Variants in PROM2 observed in about 807,000 individuals in gnomAD.
PROM2 encodes prominin-2.
PROM2 carries 90 observed loss-of-function variants against 110.2 expected under a neutral mutation model. The ratio of observed to expected loss-of-function variants is 0.82; its 90% CI spans 0.69 to 0.97. The LOEUF is 0.97. PROM2 is among the 50% of genes least tolerant of loss of function. The pLI is 0.00. For synonymous variants in PROM2, 470 were observed against 467.8 expected (o/e 1.00, Z -0.06); for missense variants, 1,009 against 1,074.8 (o/e 0.94, Z 0.86).
chr2:95,284,440 G>T (rs1677222987), intron 14 of PROM2, among the ~76,000 whole-genome samples: 1 of 151,864 alleles, frequency 6.6e-6, no homozygotes, highest in Non-Finnish European at 1.5e-5. Flanking sequence ...TCAGTGAGCT[G>T]TGATTGTGCT....
chr2:95,276,205 C>T lies in PROM2; in HGVS notation c.498-22C>T. 6.2e-7 allele frequency: 1 copy of T among 1,613,828 alleles called. No individual in the cohort carries two copies. The highest frequency in any genetic ancestry group is 8.5e-7 in the Non-Finnish European group (1 of 1,179,936). ...CTCCCTCTTACCCAGCAAGCACCTT[C>T]CTCCTCCCTCCATTCCCACAGGATT... On this transcript the variant is annotated intron_variant, in intron 3 of 23. Coordinates refer to ENST00000317620, the MANE Select transcript of PROM2 (RefSeq NM_001165978.3). This position sits in a 1 kb window ranked among gnomAD's most constrained non-coding sequence, Gnocchi z 4.6.
Position 95,279,916 on chromosome 2 carries a change from TG to T in PROM2, c.1349del (p.Gly450AlafsTer80). 6.4e-7 allele frequency: 1 copy of T among 1,558,222 alleles called. No individual in the cohort carries two copies. The highest frequency in any genetic ancestry group is 1.4e-5 in the African/African-American group (1 of 72,574). On this transcript the variant is annotated frameshift_variant, in exon 11 of 24. Transcript: ENST00000317620. LOFTEE classifies it high-confidence loss of function. The part of the protein sequence containing the change: ...VVLCNLLGLN[L>X]GIWGLSARDD... Reference sequence around the variant, plus strand: ...CTCTGCAACCTGCTGGGCCTCAATCTGGGCATCTGGGGCCTGTCTGCCAGGG... The same window carrying T: ...CTCTGCAACCTGCTGGGCCTCAATCTGGCATCTGGGGCCTGTCTGCCAGGG...
In PROM2 at chr2:95,276,543, A is replaced by C; in HGVS notation, c.619-51A>C. 6.2e-7 allele frequency: 1 copy of C among 1,612,812 alleles called. No homozygotes were observed. Among genetic ancestry groups the C allele is most frequent in the Non-Finnish European group, 8.5e-7 (1 of 1,178,970 alleles). On this transcript the variant is annotated intron_variant, in intron 4 of 23. Coordinates refer to ENST00000317620, the MANE Select transcript of PROM2 (RefSeq NM_001165978.3). The surrounding 1 kb of genome is among the most constrained non-coding windows in gnomAD (Gnocchi z 4.6). Reference sequence around the variant, plus strand: ...AAGGGGCCAGGGAGAGAAGGGCGTAAGGACTGTGGGTGACCAGGAAGGGCA... The same window carrying C: ...AAGGGGCCAGGGAGAGAAGGGCGTACGGACTGTGGGTGACCAGGAAGGGCA...
Position 95,289,268 on chromosome 2 carries a change from C to T in PROM2, c.*55C>T, listed in dbSNP as rs1473725671. On this transcript the variant is annotated 3_prime_UTR_variant, in exon 24 of 24. Coordinates refer to ENST00000317620, the MANE Select transcript of PROM2 (RefSeq NM_001165978.3). The stretch of plus-strand genomic sequence containing the variant: ...TGCCTGTCCTCCCCTTTGATTTAGC[C>T]TGGGCCACAGGACTTCGGTAGCTCT... 3.8e-6 allele frequency: 2 copies of T among 527,060 alleles called. No homozygotes were observed. Among genetic ancestry groups the T allele is most frequent in the African/African-American group, 1.9e-5 (1 of 52,230 alleles). The allele number at this position is 527,060 out of a possible 1,614,324, so 32.6% of individuals were successfully genotyped here.
intron 21 of PROM2, 87 bp downstream of exon 21, chr2:95,288,387 G>C (rs1677504828): frequency 6.3e-7 from 1 of 1,585,600 alleles, no homozygotes; most frequent in South Asian, 1.1e-5. Flanking sequence ...AGGGTGTGAA[G>C]CCAGGCATGG....
chr2:95,276,914 TG>T lies in PROM2; in HGVS notation c.683-54del. ...GGGGCCTGGGGAGGCAGGATGGGAA[TG>T]GGGAGGGCCCCTCCACTCTTGGGGT... is the stretch of plus-strand genomic sequence containing the variant. On this transcript the variant is annotated intron_variant, in intron 5 of 23. Transcript: ENST00000317620. The surrounding 1 kb of genome is among the most constrained non-coding windows in gnomAD (Gnocchi z 4.6). 1.3e-6 allele frequency: 2 copies of T among 1,508,680 alleles called. No homozygotes were observed. The highest frequency in any genetic ancestry group is 1.8e-6 in the Non-Finnish European group (2 of 1,109,006). 93.5% of individuals were successfully genotyped at this position (1,508,680 alleles called of 1,614,324 possible).
rs1676606173 is a variant in PROM2 at position 95,275,752 on chromosome 2, C to T, written c.295-178C>T. ...GGAACTTCCTGAACTTCAGCTTCCT[C>T]CTGTGTAAGATGGTGATGAGCAGTA... On this transcript the variant is annotated intron_variant, in intron 2 of 23. Coordinates refer to ENST00000317620, the MANE Select transcript of PROM2 (RefSeq NM_001165978.3). This position sits in a 1 kb window ranked among gnomAD's most constrained non-coding sequence, Gnocchi z 4.4. 4.3e-5 allele frequency: 62 copies of T among 1,455,822 alleles called. No individual in the cohort carries two copies. The South Asian group carries it at 7.7e-4, about 18-fold the overall frequency. 90.2% of individuals were successfully genotyped at this position (1,455,822 alleles called of 1,614,324 possible).
In PROM2 at chr2:95,289,277, A is replaced by G; in HGVS notation, c.*64A>G. The G allele has an allele frequency of 2.0e-6, 1 of 507,836 alleles. No homozygotes were observed. Among genetic ancestry groups the G allele is most frequent in the Non-Finnish European group, 3.6e-6 (1 of 278,608 alleles). The allele number at this position is 507,836 out of a possible 1,614,324, so 31.5% of individuals were successfully genotyped here. ...TCCCCTTTGATTTAGCCTGGGCCAC[A>G]GGACTTCGGTAGCTCTTGCCCCAGA... is the stretch of plus-strand genomic sequence containing the variant. On this transcript the variant is annotated 3_prime_UTR_variant, in exon 24 of 24. Transcript: ENST00000317620.
Position 95,277,458 on chromosome 2 carries a change from A to G in PROM2, c.867A>G (p.Glu289=). 6.2e-7 allele frequency: 1 copy of G among 1,613,184 alleles called. No individual in the cohort carries two copies. The highest frequency in any genetic ancestry group is 8.5e-7 in the Non-Finnish European group (1 of 1,179,918). The change falls in exon 7 of 24, where the codon GAA becomes GAG. Residue 289 remains glutamate (E), a synonymous_variant. Transcript: ENST00000317620. ...GQQDLEPAIR[E]HRDRLLELLQ... Reference sequence around the variant, plus strand: ...AGGACCTGGAGCCAGCCATCCGGGAACACCGGGACCGCCTCCTTGAGCTGC... The same window carrying G: ...AGGACCTGGAGCCAGCCATCCGGGAGCACCGGGACCGCCTCCTTGAGCTGC...
intron 11 of PROM2, among the ~76,000 whole-genome samples, chr2:95,280,226 C>T (rs1676969838): frequency 6.6e-6 from 1 of 152,116 alleles, no homozygotes; most frequent in Non-Finnish European, 1.5e-5. Context: ...GCCTAGAGTC[C>T]CTACCCCAGC....
chr2:95,281,991 A>G lies in PROM2; in HGVS notation c.1618A>G (p.Asn540Asp). Residue 540 changes from asparagine (N) to aspartate (D), a missense_variant, in exon 13 of 24, where the codon AAC (asparagine) becomes GAC (aspartate). Physicochemically the swap from Asn to Asp is conservative, Grantham distance 23. Coordinates refer to ENST00000317620, the MANE Select transcript of PROM2 (RefSeq NM_001165978.3). ...GTCGCAACTTCTTGGCCTGAGGAAG[A>G]ACATCAGCATCCACCAAGCCTATCA... Reference protein sequence around the residue: ...NLSQLLGLRKNISIHQAYQQC... With the variant: ...NLSQLLGLRKDISIHQAYQQC... The G allele has an allele frequency of 1.9e-6, 3 of 1,614,092 alleles. No individual in the cohort carries two copies. The highest frequency in any genetic ancestry group is 2.5e-6 in the Non-Finnish European group (3 of 1,179,970).
At position 95,274,463 on chromosome 2, in the gene PROM2, C is replaced by T. The variant is rs866736497; in HGVS notation, c.-123C>T. 1 of 1,328,126 alleles carries T rather than the reference C, an allele frequency of 7.5e-7. No individual in the cohort carries two copies. The highest frequency in any genetic ancestry group is 2.7e-5 in the East Asian group (1 of 37,148). The allele number at this position is 1,328,126 out of a possible 1,614,324, so 82.3% of individuals were successfully genotyped here. ...GCGGGAGGCCAGGTAGCTCAGGAAC[C>T]CAAACCTGTCGGGCAGGTTTTGAGA... On this transcript the variant is annotated 5_prime_UTR_variant, in exon 1 of 24. Transcript: ENST00000317620.
At position 95,287,232 on chromosome 2, in the gene PROM2, A is replaced by C. The variant is rs2104146490; in HGVS notation, c.2175+19A>C. The C allele has an allele frequency of 6.3e-7, 1 of 1,598,422 alleles. No homozygotes were observed. Among genetic ancestry groups the C allele is most frequent in the Non-Finnish European group, 8.6e-7 (1 of 1,169,200 alleles). ...GAGGAATGTGAGTGGTGGGTGGGAC[A>C]GGGAAGGGGCTTCCACCCCAGGCTT... On this transcript the variant is annotated intron_variant, in intron 19 of 23. Transcript: ENST00000317620.
intron 14 of PROM2, 31 bp from the exon 15 acceptor site, chr2:95,284,938 C>T: frequency 6.3e-7 from 1 of 1,598,302 alleles, no homozygotes; most frequent in East Asian, 2.2e-5. Context: ...AGCAACTGGG[C>T]ATGACTCCCA....
At position 95,275,030 on chromosome 2, in the gene PROM2, G is replaced by A. The variant is rs1052527393; in HGVS notation, c.244+201G>A. 4 of 586,926 alleles carry A rather than the reference G, an allele frequency of 6.8e-6. No homozygotes were observed. Among genetic ancestry groups the A allele is most frequent in the African/African-American group, 5.7e-5 (3 of 52,792 alleles). 36.4% of individuals were successfully genotyped at this position (586,926 alleles called of 1,614,324 possible). A position where few individuals can be genotyped will look rare whatever the true frequency, so the allele number is the denominator to read the frequency against. On this transcript the variant is annotated intron_variant, in intron 1 of 23. Transcript: ENST00000317620. This position sits in a 1 kb window ranked among gnomAD's most constrained non-coding sequence, Gnocchi z 4.4. ...GCCTCACTTCCTCTCTGAGCCTCAGGTGCTCTGTCTGTAAAGTGAGGAGGT... is the reference window on the plus strand; with the variant it reads ...GCCTCACTTCCTCTCTGAGCCTCAGATGCTCTGTCTGTAAAGTGAGGAGGT...
intron 13 of PROM2, 50 bp from the exon 14 acceptor site, chr2:95,282,092 C>G (rs370532664): frequency 1.2e-6 from 2 of 1,606,852 alleles, no homozygotes; most frequent in African/African-American, 1.3e-5. Flanking sequence ...GGACATCAGC[C>G]CCCCCGCCAC....
rs368792968 is a variant in PROM2, at chr2:95,286,550, C to T, written c.2019C>T (p.Val673=). ...TCAGAAACCTTCACCAGGAGAAGGTCGTCCCCCAGCAGAGCCTTGTGGTCA... is the reference window on the plus strand; with the variant it reads ...TCAGAAACCTTCACCAGGAGAAGGTTGTCCCCCAGCAGAGCCTTGTGGTCA... ...QGLRNLHQEK[V]VPQQSLVAKL... Residue 673 remains valine (V), a synonymous_variant, in exon 17 of 24, where the codon GTC becomes GTT. Coordinates refer to ENST00000317620, the MANE Select transcript of PROM2 (RefSeq NM_001165978.3). The T allele has an allele frequency of 2.2e-5, 35 of 1,613,376 alleles. No homozygotes were observed. The highest frequency in any genetic ancestry group is 1.3e-4 in the African/African-American group (10 of 74,862).
intron 22 of PROM2, 118 bp downstream of exon 22, chr2:95,288,707 G>A (rs1195283755): frequency 2.1e-5 from 18 of 874,034 alleles, no homozygotes; most frequent in East Asian, 5.1e-5. Context: ...GCTCATGAGC[G>A]AGCCCTGAAG....
Position 95,279,096 on chromosome 2 carries a change from A to G in PROM2, c.1226A>G (p.Glu409Gly), listed in dbSNP as rs1287348673. Residue 409 changes from glutamate (E) to glycine (G), a missense_variant, in exon 10 of 24, where the codon GAG becomes GGG. Transcript: ENST00000317620. ...RWAQALQEVE[E>G]SSRPYLQEVQ... ...GCCCAGGCACTGCAGGAGGTGGAGGAGAGCAGCCGCCCCTACCTGCAGGAG... is the reference window on the plus strand; with the variant it reads ...GCCCAGGCACTGCAGGAGGTGGAGGGGAGCAGCCGCCCCTACCTGCAGGAG... 1 of 1,519,356 alleles carries G rather than the reference A, an allele frequency of 6.6e-7. No individual in the cohort carries two copies. Among genetic ancestry groups the G allele is most frequent in the African/African-American group, 1.4e-5 (1 of 70,226 alleles). 94.1% of individuals were successfully genotyped at this position (1,519,356 alleles called of 1,614,324 possible).
Sources: gnomAD v4.1 joint callset for allele counts (sites outside exome capture counted in the v4.1 genomes callset) on GRCh38, gnomAD v4.1.1 for gene constraint, Gnocchi (gnomAD v3.1) non-coding constraint, MANE v1.5 for transcripts, NCBI Gene and HGNC (gene_info 2026-07-23, HGNC 2026-07-21) for gene names.